The following DMD variants were observed in gnomAD, a reference collection of about 807,000 sequenced individuals.
DMD encodes the protein mutant dystrophin.
A neutral mutation model predicts 330.1 loss-of-function variants in DMD; 63 were observed. That is an observed-to-expected ratio of 0.19 (90% CI 0.16 to 0.24). The LOEUF (loss-of-function observed/expected upper bound fraction) is 0.24, where lower values mean the gene tolerates loss of function less well. DMD is among the 10% of genes least tolerant of loss of function. DMD has a pLI of 1.00. For synonymous variants in DMD, 1,223 were observed against 959.8 expected, an observed-to-expected ratio of 1.27 and a Z score of -5.07; for missense variants, 3,344 against 2,684.1, an observed-to-expected ratio of 1.25 and a Z score of -5.43.
At chrX:31,172,582 G>T (rs1016769625) in intron 72 of DMD, among the ~76,000 whole-genome samples, 169 bp from the exon 73 acceptor site, 5 of 112,007 alleles carry the variant, frequency 4.5e-5, no homozygotes, top group Non-Finnish European at 9.4e-5. Context: ...GCAGTGTGTG[G>T]TAGACCACAG....
At chrX:32,579,096 T>G (rs2053375544) in intron 13 of DMD, among the ~76,000 whole-genome samples, 1 of 111,609 alleles carries the variant, frequency 9.0e-6, no homozygotes, top group Admixed American at 9.6e-5. Flanking sequence ...GGCAGAGTCC[T>G]ACTGAATAGT....
At chrX:32,601,538 C>G (rs2056208120) in intron 12 of DMD, among the ~76,000 whole-genome samples, 1 of 111,557 alleles carries the variant, frequency 9.0e-6, no homozygotes, top group Admixed American at 9.6e-5. Context: ...CGAAAAGAAA[C>G]TGTTTTAAAA....
intron 55 of DMD, among the ~76,000 whole-genome samples, chrX:31,617,459 G>A (rs1239067070): frequency 4.7e-5 from 5 of 106,984 alleles, no homozygotes; most frequent in African/African-American, 1.0e-4. Context: ...ACTTGAACCC[G>A]GGAGGTGGAG....
At chrX:32,622,210 G>A (rs73465607) in intron 11 of DMD, among the ~76,000 whole-genome samples, 2,983 of 111,209 alleles carry the variant, frequency 0.027, 96 homozygotes, top group African/African-American at 0.081. Flanking sequence ...TCTACCTGAG[G>A]CTCCAAAAAG....
intron 52 of DMD, among the ~76,000 whole-genome samples, chrX:31,701,137 G>A (rs1437961681): frequency 1.8e-5 from 2 of 112,206 alleles, no homozygotes; most frequent in Non-Finnish European, 3.8e-5. Context: ...CATCAAATTT[G>A]ATGCATTTGT....
At chrX:32,837,616 CCT>C (rs1491115551) in intron 4 of DMD, among the ~76,000 whole-genome samples, 1 of 111,833 alleles carries the variant, frequency 8.9e-6, no homozygotes, top group African/African-American at 3.3e-5. Flanking sequence ...TAAATATTCC[CCT>C]GATTACACTC....
At chrX:31,848,510 A>T (rs1176509396) in intron 48 of DMD, among the ~76,000 whole-genome samples, 1 of 111,372 alleles carries the variant, frequency 9.0e-6, no homozygotes, top group Non-Finnish European at 1.9e-5. Flanking sequence ...CTAATAACAG[A>T]ACATTTCCAT....
intron 51 of DMD, among the ~76,000 whole-genome samples, chrX:31,758,535 TC>T (rs1569357312): frequency 9.1e-6 from 1 of 110,491 alleles, no homozygotes; most frequent in Non-Finnish European, 1.9e-5. Flanking sequence ...AACATGTTTC[TC>T]TCTCTCTCTC....
chrX:32,615,938 A>G (rs765345504), intron 11 of DMD, among the ~76,000 whole-genome samples: 10 of 111,295 alleles, frequency 9.0e-5, no homozygotes, highest in Non-Finnish European at 1.5e-4. Context: ...CAAGGATTCC[A>G]TATTACACTC....
chrX:31,779,265 C>T lies in DMD; in HGVS notation c.7310-5073G>A, dbSNP rs73213857. ...TGTTCTGGGCTGGGTCTCCTGTTGT[C>T]ATCCCTAAGGAGCATGGGAAATGGC... On this transcript the variant is annotated intron_variant, in intron 50 of 78. Coordinates refer to ENST00000357033, the MANE Select transcript of DMD (RefSeq NM_004006.3). Among the ~76,000 whole-genome samples, 1,005 of 111,923 alleles carry T rather than the reference C, an allele frequency of 9.0e-3. 7 individuals carry two copies. Among genetic ancestry groups the T allele is most frequent in the South Asian group, 0.03 (81 of 2,661 alleles).
At chrX:32,706,214 C>T (rs1176280009) in intron 7 of DMD, among the ~76,000 whole-genome samples, 1 of 64,242 alleles carries the variant, frequency 1.6e-5, no homozygotes, top group African/African-American at 6.6e-5. Flanking sequence ...CATCACACAC[C>T]GGGGCCTGTT....
chrX:32,430,556 T>A (rs1001366217), intron 29 of DMD, among the ~76,000 whole-genome samples: 12 of 111,982 alleles, frequency 1.1e-4, no homozygotes, highest in African/African-American at 3.9e-4. Context: ...ATATTATTAT[T>A]ATTCTGTAAC....
chrX:32,197,976 C>A (rs1310077218), intron 44 of DMD, among the ~76,000 whole-genome samples: 2 of 111,483 alleles, frequency 1.8e-5, no homozygotes, highest in African/African-American at 6.5e-5. Flanking sequence ...ACCAACACAG[C>A]CCTTTTGTAT....
At chrX:32,035,381 T>G (rs1019062533) in intron 44 of DMD, among the ~76,000 whole-genome samples, 3 of 111,369 alleles carry the variant, frequency 2.7e-5, no homozygotes, top group Non-Finnish European at 5.7e-5. Context: ...TACTTCTCAT[T>G]TAATCATTTT....
intron 7 of DMD, chrX:32,756,473 G>A (rs2071520333): frequency 9.0e-6 from 1 of 111,622 alleles, no homozygotes; most frequent in South Asian, 3.7e-4. Context: ...GAGTGTAAGA[G>A]AACAAACACA....
At chrX:32,526,273 ATTC>A (rs2046929295) in intron 17 of DMD, among the ~76,000 whole-genome samples, 1 of 112,096 alleles carries the variant, frequency 8.9e-6, no homozygotes, top group Admixed American at 9.5e-5. Flanking sequence ...TCTGTCCTCT[ATTC>A]TTCAAGTATA....
At chrX:33,212,537 T>C (rs1170705695), upstream of DMD, among the ~76,000 whole-genome samples, 2 of 112,075 alleles carry the variant, frequency 1.8e-5, no homozygotes, top group Non-Finnish European at 3.8e-5. Flanking sequence ...TGTTTGAGTG[T>C]TTTTATTGTA....
intron 31 of DMD, among the ~76,000 whole-genome samples, 166 bp downstream of exon 31, chrX:32,389,905 T>A (rs1477776706): frequency 8.9e-6 from 1 of 112,239 alleles, no homozygotes; most frequent in African/African-American, 3.2e-5. Flanking sequence ...TTAACCTATT[T>A]TATCTTTAAA....
At position 33,262,733 on chromosome X, in the gene DMD, T is replaced by C. The variant is rs770634577; in HGVS notation, c.7+76526A>G. 1.8e-3 allele frequency among the ~76,000 whole-genome samples: 202 copies of C among 110,875 alleles called. 1 individual carries two copies. The highest frequency in any genetic ancestry group is 6.4e-3 in the African/African-American group (197 of 30,651). ...CAATGATGGTAGGACAGTTATTTAC[T>C]CTAAAATAATTCACAAAATTATTCA... is the stretch of plus-strand genomic sequence containing the variant. On this transcript the variant is annotated intron_variant, in intron 1 of 17. Coordinates refer to the DMD transcript ENST00000288447.
Sources: gnomAD v4.1 joint callset for allele counts (sites outside exome capture counted in the v4.1 genomes callset) on GRCh38, gnomAD v4.1.1 for gene constraint, MANE v1.5 for transcripts, NCBI Gene and HGNC (gene_info 2026-07-23, HGNC 2026-07-21) for gene names.